The following ATP13A1 variants were observed in gnomAD, a reference collection of about 807,000 sequenced individuals.
The protein encoded by ATP13A1 is ATPase 13A1, also known as endoplasmic reticulum transmembrane helix translocase.
ATP13A1 carries 55 observed loss-of-function variants against 134.8 expected under a neutral mutation model. The ratio of observed to expected loss-of-function variants is 0.41; its 90% confidence interval spans 0.33 to 0.51. The LOEUF is 0.51. Among genes scored for constraint, ATP13A1 ranks in the 20% least tolerant of loss-of-function variants. ATP13A1 has a pLI of 0.29. For synonymous variants in ATP13A1, 775 were observed against 725.1 expected, an observed-to-expected ratio of 1.07 and a Z score of -1.10; for missense variants, 1,389 against 1,652.8, an observed-to-expected ratio of 0.84 and a Z score of 2.77.
chr19:19,662,371 G>T, intron 1 of ATP13A1: 1 of 985,324 alleles, frequency 1.0e-6, no homozygotes, highest in Non-Finnish European at 1.2e-6. Context: ...AGGGTGGGGG[G>T]CTTCTGTCTT....
At chr19:19,657,452 T>G in intron 3 of ATP13A1, 44 bp from the exon 4 acceptor site, 1 of 1,541,720 alleles carries the variant, frequency 6.5e-7, no homozygotes, top group Non-Finnish European at 8.8e-7. Flanking sequence ...GCAAGGCCTC[T>G]GGGGTATGGA....
intron 22 of ATP13A1, 187 bp downstream of exon 22, chr19:19,646,939 TACC>T (rs930362624): frequency 6.6e-5 from 42 of 637,964 alleles, no homozygotes; most frequent in Non-Finnish European, 1.1e-4. Flanking sequence ...CGCCAAGCTG[TACC>T]ACCTGGAGGG....
Position 19,655,658 on chromosome 19 carries a change from G to A in ATP13A1, c.1270-4C>T. 5 of 1,611,704 alleles carry A rather than the reference G, an allele frequency of 3.1e-6. No homozygotes were observed. The highest frequency in any genetic ancestry group is 4.2e-6 in the Non-Finnish European group (5 of 1,178,954). ...GGATGGTGCGCAGCAGCTTGCCCTGGAGGAATGGAGGAACAGCCTTTCTGC... is the reference window on the plus strand; with the variant it reads ...GGATGGTGCGCAGCAGCTTGCCCTGAAGGAATGGAGGAACAGCCTTTCTGC... On this transcript the variant is annotated splice_region_variant and splice_polypyrimidine_tract_variant and intron_variant, in intron 9 of 25. Transcript: ENST00000357324. The surrounding 1 kb of genome is among the most constrained non-coding windows in gnomAD (Gnocchi z 5.7).
chr19:19,658,149 CAAAAAA>C (rs61328844), intron 3 of ATP13A1, among the ~76,000 whole-genome samples: 21 of 66,296 alleles, frequency 3.2e-4, no homozygotes, highest in African/African-American at 1.1e-3. Flanking sequence ...ACCCTGTCTC[CAAAAAA>C]AAAAAAAAAA....
chr19:19,656,216 G>C lies in ATP13A1; in HGVS notation c.1084-33C>G, dbSNP rs543470980. The C allele has an allele frequency of 1.9e-6, 3 of 1,571,364 alleles. No individual in the cohort carries two copies. Among genetic ancestry groups the C allele is most frequent in the South Asian group, 2.4e-5 (2 of 85,078 alleles). On this transcript the variant is annotated intron_variant, in intron 7 of 25. Transcript: ENST00000357324. The surrounding 1 kb of genome is among the most constrained non-coding windows in gnomAD (Gnocchi z 4.6). ...GGAAGATCGTGAATCTGGATGGCCA[G>C]GCCTACCTTGCTTCCTTCTCCATCT...
chr19:19,650,192 G>A, intron 17 of ATP13A1: 1 of 575,758 alleles, frequency 1.7e-6, no homozygotes, highest in Non-Finnish European at 3.1e-6. Context: ...ATTAGAACCT[G>A]GGCAGTCTGA....
rs756171948 is a variant in ATP13A1 at position 19,647,689 on chromosome 19, G to A, written c.2703C>T (p.Thr901=). The A allele has an allele frequency of 1.2e-6, 2 of 1,612,186 alleles. No individual in the cohort carries two copies. The highest frequency in any genetic ancestry group is 1.3e-5 in the African/African-American group (1 of 74,900). The part of the protein sequence containing the change: ...ERRRRPRDSP[T]LSNSGIRATS... The stretch of plus-strand genomic sequence containing the variant: ...TGGCTCTGATGCCACTGTTGCTCAG[G>A]GTTGGGCTGTCCCGGGGCCGCCGTC... The change falls in exon 20 of 26, where the codon ACC becomes ACT. Residue 901 remains threonine, a synonymous_variant. Coordinates refer to ENST00000357324, the MANE Select transcript of ATP13A1 (RefSeq NM_020410.3). The surrounding 1 kb of genome is among the most constrained non-coding windows in gnomAD (Gnocchi z 4.8).
chr19:19,655,776 C>T lies in ATP13A1; in HGVS notation c.1269+102G>A. ...CTGGCCCAGGTCCAGGGCCGTGCTGCCAGAGTCAGCCCGTGGGGCAGATGT... is the reference window on the plus strand; with the variant it reads ...CTGGCCCAGGTCCAGGGCCGTGCTGTCAGAGTCAGCCCGTGGGGCAGATGT... On this transcript the variant is annotated intron_variant, in intron 9 of 25. Transcript: ENST00000357324. This position sits in a 1 kb window ranked among gnomAD's most constrained non-coding sequence, Gnocchi z 5.7. 2.6e-6 allele frequency: 4 copies of T among 1,533,790 alleles called. No individual in the cohort carries two copies. The highest frequency in any genetic ancestry group is 2.6e-6 in the Non-Finnish European group (3 of 1,139,472).
intron 17 of ATP13A1, chr19:19,651,444 GCAGT>G (rs2062023842): frequency 2.5e-6 from 1 of 399,550 alleles, no homozygotes; most frequent in Non-Finnish European, 4.5e-6. Flanking sequence ...ACCCGAGCTG[GCAGT>G]CAGACTATCG....
rs1014207939 is a variant in ATP13A1 at position 19,647,705 on chromosome 19, G to A, written c.2687C>T (p.Pro896Leu). ...PERVVERRRR[P>L]RDSPTLSNSG... ...GTTGCTCAGGGTTGGGCTGTCCCGGGGCCGCCGTCGCCGCTCGACAACCCG... is the reference window on the plus strand; with the variant it reads ...GTTGCTCAGGGTTGGGCTGTCCCGGAGCCGCCGTCGCCGCTCGACAACCCG... Residue 896 changes from proline to leucine, a missense_variant, in exon 20 of 26, where the codon CCC becomes CTC. Coordinates refer to ENST00000357324, the MANE Select transcript of ATP13A1 (RefSeq NM_020410.3). The surrounding 1 kb of genome is among the most constrained non-coding windows in gnomAD (Gnocchi z 4.8). 23 of 1,610,118 alleles carry A rather than the reference G, an allele frequency of 1.4e-5. No homozygotes were observed. The highest frequency in any genetic ancestry group is 2.0e-5 in the Non-Finnish European group (23 of 1,179,482).
chr19:19,646,538 GCCTCCC>G, intron 22 of ATP13A1, 191 bp from the exon 23 acceptor site: 1 of 678,998 alleles, frequency 1.5e-6, no homozygotes, highest in East Asian at 2.8e-5. Context: ...GCCCAGGGCT[GCCTCCC>G]TGGCCCCGGC....
intron 1 of ATP13A1, 67 bp downstream of exon 1, chr19:19,663,204 G>A (rs760752518): frequency 8.4e-6 from 13 of 1,548,378 alleles, no homozygotes; most frequent in East Asian, 2.4e-5. Flanking sequence ...CCGACAGGAA[G>A]GCCGCAGCTG....
In ATP13A1 at chr19:19,649,738, T is replaced by C; in HGVS notation, c.2535+3A>G. 2 of 1,604,786 alleles carry C rather than the reference T, an allele frequency of 1.2e-6. No homozygotes were observed. Among genetic ancestry groups the C allele is most frequent in the Non-Finnish European group, 1.7e-6 (2 of 1,174,056 alleles). On this transcript the variant is annotated splice_donor_region_variant and intron_variant, in intron 18 of 25. Transcript: ENST00000357324. ...CCCCTGACCCCTAGGGCTGTGCACA[T>C]ACCTTCTGCTTGGGAGCCACACGGG...
intron 1 of ATP13A1, 42 bp from the exon 2 acceptor site, chr19:19,660,029 A>G: frequency 6.6e-7 from 1 of 1,526,348 alleles, no homozygotes; most frequent in South Asian, 1.2e-5. Context: ...GCTCTTCTCA[A>G]CCTACAGTTC....
In ATP13A1 at chr19:19,655,593, G is replaced by A; in HGVS notation, c.1331C>T (p.Thr444Ile). ...VKRVTANNLE[T>I]FIFILFLLVF... ...CAGGAGGAAGAGGATGAAGATGAAG[G>A]TCTCCAGGTTGTTCGCAGTCACCCT... Residue 444 changes from threonine (T) to isoleucine (I), a missense_variant, in exon 10 of 26, where the codon ACC (threonine) becomes ATC (isoleucine). Thr to Ile is a moderately conservative substitution (Grantham distance 89). Transcript: ENST00000357324. This position sits in a 1 kb window ranked among gnomAD's most constrained non-coding sequence, Gnocchi z 5.7. 2 of 1,613,950 alleles carry A rather than the reference G, an allele frequency of 1.2e-6. No homozygotes were observed. Among genetic ancestry groups the A allele is most frequent in the Non-Finnish European group, 1.7e-6 (2 of 1,179,868 alleles).
Position 19,656,933 on chromosome 19 carries a change from T to A in ATP13A1, c.907-17A>T. 6.2e-7 allele frequency: 1 copy of A among 1,604,660 alleles called. No individual in the cohort carries two copies. On this transcript the variant is annotated splice_polypyrimidine_tract_variant and intron_variant, in intron 5 of 25. Coordinates refer to ENST00000357324, the MANE Select transcript of ATP13A1 (RefSeq NM_020410.3). The surrounding 1 kb of genome is among the most constrained non-coding windows in gnomAD (Gnocchi z 4.6). ...TCGGTAGACCTGGGCGGGGCATGGG[T>A]GTCAGCACAGAAGCCGCACCTGTGC... is the stretch of plus-strand genomic sequence containing the variant.
Position 19,655,825 on chromosome 19 carries a change from C to A in ATP13A1, c.1269+53G>T, listed in dbSNP as rs1036384644. On this transcript the variant is annotated intron_variant, in intron 9 of 25. Transcript: ENST00000357324. This position sits in a 1 kb window ranked among gnomAD's most constrained non-coding sequence, Gnocchi z 5.7. ...GTTCTGGGGTCGGAAAGGGCTGATA[C>A]CTTGGCTGTCCAACTGCCCTGGGGC... The A allele has an allele frequency of 7.8e-6, 12 of 1,545,954 alleles. No individual in the cohort carries two copies. The highest frequency in any genetic ancestry group is 8.7e-6 in the Non-Finnish European group (10 of 1,150,278).
Position 19,649,629 on chromosome 19 carries a change from T to C in ATP13A1, c.2570A>G (p.Tyr857Cys), listed in dbSNP as rs756469126. The change falls in exon 19 of 26, where the codon TAC (tyrosine) becomes TGC (cysteine). Residue 857 changes from tyrosine to cysteine, a missense_variant. By Grantham distance (194) the Tyr-to-Cys change is radical. This residue lies in a region of ATP13A1 where 747 missense variants were observed against 956.1 expected (regional missense o/e 0.78). Coordinates refer to ENST00000357324, the MANE Select transcript of ATP13A1 (RefSeq NM_020410.3). ...GCCATCCCCACACATGAGGGTCACGTAGCCCAGCTCCTTCAGGCTGGTGAT... is the reference window on the plus strand; with the variant it reads ...GCCATCCCCACACATGAGGGTCACGCAGCCCAGCTCCTTCAGGCTGGTGAT... ...FVITSLKELG[Y>C]VTLMCGDGTN... 87 of 1,613,868 alleles carry C rather than the reference T, an allele frequency of 5.4e-5. No individual in the cohort carries two copies. The highest frequency in any genetic ancestry group is 8.0e-5 in the African/African-American group (6 of 74,946).
rs752807992 is a variant in ATP13A1 at position 19,649,628 on chromosome 19, G to A, written c.2571C>T (p.Tyr857=). 9 of 1,613,838 alleles carry A rather than the reference G, an allele frequency of 5.6e-6. No homozygotes were observed. The highest frequency in any genetic ancestry group is 4.5e-5 in the East Asian group (2 of 44,896). Residue 857 remains tyrosine, a synonymous_variant, in exon 19 of 26, where the codon TAC becomes TAT. Coordinates refer to ENST00000357324, the MANE Select transcript of ATP13A1 (RefSeq NM_020410.3). ...TGCCATCCCCACACATGAGGGTCACGTAGCCCAGCTCCTTCAGGCTGGTGA... is the reference window on the plus strand; with the variant it reads ...TGCCATCCCCACACATGAGGGTCACATAGCCCAGCTCCTTCAGGCTGGTGA... ...FVITSLKELG[Y]VTLMCGDGTN...
Sources: allele counts gnomAD v4.1 joint callset (sites outside exome capture counted in the v4.1 genomes callset), GRCh38; gene constraint gnomAD v4.1.1; regional missense constraint gnomAD v4.1.1; non-coding constraint Gnocchi (gnomAD v3.1); transcripts MANE v1.5; gene names NCBI Gene and HGNC (gene_info 2026-07-23, HGNC 2026-07-21).